COL28A1: variants seen among roughly 807,000 people sequenced by gnomAD.
The protein encoded by COL28A1 is collagen type XXVIII alpha 1 chain.
A neutral mutation model predicts 150.2 loss-of-function variants in COL28A1; 161 were observed. The observed-to-expected ratio is 1.07, with a 90% CI of 0.94 to 1.22. The LOEUF (loss-of-function observed/expected upper bound fraction) is 1.22, where lower values mean the gene tolerates loss of function less well. COL28A1 is among the 50% of genes most tolerant of loss of function. The pLI, the probability that COL28A1 is intolerant of heterozygous loss-of-function variation, is 0.00. For synonymous variants in COL28A1, 552 were observed against 469.7 expected, an observed-to-expected ratio of 1.18 and a Z score of -2.26; for missense variants, 1,617 against 1,388.3, an observed-to-expected ratio of 1.16 and a Z score of -2.62.
intron 27 of COL28A1, among the ~76,000 whole-genome samples, chr7:7,403,269 A>G (rs1222832820): frequency 1.3e-5 from 2 of 152,176 alleles, no homozygotes; most frequent in Admixed American, 1.3e-4. Context: ...AAAGACTTTC[A>G]GTACAATCAG....
At chr7:7,375,195 T>C (rs1373811094) in intron 31 of COL28A1, among the ~76,000 whole-genome samples, 1 of 152,220 alleles carries the variant, frequency 6.6e-6, no homozygotes, top group Non-Finnish European at 1.5e-5. Context: ...AGCACTGTGC[T>C]AACAAAAGGC....
chr7:7,444,714 CCTAA>C (rs1340255896), intron 18 of COL28A1, among the ~76,000 whole-genome samples: 2 of 152,062 alleles, frequency 1.3e-5, no homozygotes, highest in Non-Finnish European at 1.5e-5. Flanking sequence ...ATGTTGACAT[CCTAA>C]CTCTTTGTAC....
chr7:7,399,279 A>T (rs1255974749), intron 27 of COL28A1, among the ~76,000 whole-genome samples: 1 of 152,076 alleles, frequency 6.6e-6, no homozygotes, highest in Non-Finnish European at 1.5e-5. Context: ...AACACATCCA[A>T]GAAGTCTTCC....
At chr7:7,498,053 A>G (rs1456496540) in intron 11 of COL28A1, among the ~76,000 whole-genome samples, 2 of 152,198 alleles carry the variant, frequency 1.3e-5, no homozygotes, top group African/African-American at 4.8e-5. Context: ...TATAATAAAA[A>G]TTATATTGAA....
chr7:7,410,575 T>C (rs77816213), intron 27 of COL28A1, among the ~76,000 whole-genome samples: 1,569 of 152,258 alleles, frequency 0.01, 37 homozygotes, highest in African/African-American at 0.036. Flanking sequence ...ATTGTTTCTA[T>C]TACTTTCTGA....
chr7:7,516,567 G>A (rs1240986763), intron 7 of COL28A1, among the ~76,000 whole-genome samples: 1 of 152,124 alleles, frequency 6.6e-6, no homozygotes, highest in African/African-American at 2.4e-5. Context: ...GCTCTAAGCA[G>A]CAGCAAGTCC....
At chr7:7,451,534 AT>A (rs1486766140) in intron 18 of COL28A1, among the ~76,000 whole-genome samples, 8 of 151,972 alleles carry the variant, frequency 5.3e-5, no homozygotes, top group Non-Finnish European at 1.0e-4. Context: ...GAAATACTTC[AT>A]TTTTTAAAGT....
intron 25 of COL28A1, among the ~76,000 whole-genome samples, chr7:7,430,531 AG>A (rs1784903627): frequency 6.6e-6 from 1 of 152,200 alleles, no homozygotes; most frequent in East Asian, 1.9e-4. Flanking sequence ...CATCATGTCT[AG>A]TTATATAAAA....
intron 33 of COL28A1, among the ~76,000 whole-genome samples, chr7:7,364,846 A>G (rs1413510957): frequency 6.6e-6 from 1 of 151,966 alleles, no homozygotes; most frequent in Non-Finnish European, 1.5e-5. Context: ...CTTTTTTTCC[A>G]TAGCATAGAA....
In COL28A1 at chr7:7,532,824, T is replaced by A; in HGVS notation, c.52A>T (p.Ser18Cys). The A allele has an allele frequency of 6.2e-7, 1 of 1,612,522 alleles. No individual in the cohort carries two copies. Among genetic ancestry groups the A allele is most frequent in the Middle Eastern group, 1.7e-4 (1 of 6,056 alleles). ...TTTCTTTGTCCGGATACTGTTTGAC[T>A]CGTAAACGCTGACAAAAGCAGGAGA... ...FYLLLLSAFT[S>C]QTVSGQRKKG... Residue 18 changes from serine to cysteine, a missense_variant, in exon 2 of 35, where the codon AGT becomes TGT. Ser to Cys is a moderately radical substitution (Grantham distance 112). Transcript: ENST00000399429.
the COL28A1 span, among the ~76,000 whole-genome samples, chr7:7,543,432 G>A: frequency 6.6e-6 from 1 of 152,142 alleles, no homozygotes; most frequent in Non-Finnish European, 1.5e-5. Flanking sequence ...ACACTTTTGA[G>A]TTTAATCTGC....
intron 18 of COL28A1, among the ~76,000 whole-genome samples, chr7:7,451,888 G>A (rs76070793): frequency 1.3e-5 from 2 of 151,948 alleles, no homozygotes; most frequent in African/African-American, 2.4e-5. Context: ...TCAAATGCTC[G>A]TAAGAATATG....
At chr7:7,390,722 G>A (rs1782490061) in intron 27 of COL28A1, among the ~76,000 whole-genome samples, 1 of 152,186 alleles carries the variant, frequency 6.6e-6, no homozygotes. Flanking sequence ...GGGCTTGGAA[G>A]TGTGTATGTG....
At chr7:7,473,690 C>G (rs1471965711) in intron 15 of COL28A1, among the ~76,000 whole-genome samples, 1 of 152,102 alleles carries the variant, frequency 6.6e-6, no homozygotes, top group Non-Finnish European at 1.5e-5. Context: ...TACTGGGTAT[C>G]TACCCAGAGG....
chr7:7,370,520 T>G (rs531995236), intron 33 of COL28A1, among the ~76,000 whole-genome samples: 9 of 152,290 alleles, frequency 5.9e-5, no homozygotes, highest in Admixed American at 2.0e-4. Context: ...TTATAAAATA[T>G]GCAAGTTTTT....
At chr7:7,483,187 C>A (rs544407696) in intron 13 of COL28A1, among the ~76,000 whole-genome samples, 1 of 152,098 alleles carries the variant, frequency 6.6e-6, no homozygotes, top group Non-Finnish European at 1.5e-5. Flanking sequence ...GAATGCATTG[C>A]GTTTGCATCC....
intron 8 of COL28A1, among the ~76,000 whole-genome samples, chr7:7,512,679 T>C (rs1781212280): frequency 6.6e-6 from 1 of 152,236 alleles, no homozygotes; most frequent in Non-Finnish European, 1.5e-5. Context: ...ATCTCCTTTA[T>C]AAATCACTTT....
At chr7:7,374,035 AAAAATAT>A (rs1267055897) in intron 31 of COL28A1, among the ~76,000 whole-genome samples, 2 of 83,414 alleles carry the variant, frequency 2.4e-5, no homozygotes, top group Non-Finnish European at 5.1e-5. Context: ...AAAAAAAAAA[AAAAATAT>A]ATATATATAT....
intron 9 of COL28A1, among the ~76,000 whole-genome samples, chr7:7,510,565 G>A (rs778837217): frequency 6.6e-5 from 10 of 152,200 alleles, no homozygotes; most frequent in Non-Finnish European, 1.5e-4. Context: ...GATTACAGGT[G>A]TTAGCCACTG....
Sources: allele counts gnomAD v4.1 joint callset (sites outside exome capture counted in the v4.1 genomes callset), GRCh38; gene constraint gnomAD v4.1.1; transcripts MANE v1.5; gene names NCBI Gene and HGNC (gene_info 2026-07-23, HGNC 2026-07-21).